Variants in MFSD6 observed in about 807,000 individuals in gnomAD.
The protein encoded by MFSD6 is major facilitator superfamily domain containing 6.
MFSD6 carries 26 observed loss-of-function variants against 56.3 expected under a neutral mutation model. The ratio of observed to expected loss-of-function variants is 0.46; its 90% CI spans 0.34 to 0.64. The LOEUF (loss-of-function observed/expected upper bound fraction) is 0.64. Ranked by LOEUF, MFSD6 falls within the 30% of genes least tolerant of loss-of-function variation. MFSD6 has a pLI of 0.01. For synonymous variants in MFSD6, 331 were observed against 366.9 expected (o/e 0.90, Z 1.12); for missense variants, 750 against 986.2 (o/e 0.76, Z 3.21).
At chr2:190,482,148 G>A (rs1252564887) in intron 4 of MFSD6, among the ~76,000 whole-genome samples, 1 of 152,140 alleles carries the variant, frequency 6.6e-6, no homozygotes, top group Non-Finnish European at 1.5e-5. Flanking sequence ...TGATACCTAG[G>A]GTAACCAGGC....
rs908039252 is a variant in MFSD6 at position 190,496,342 on chromosome 2, G to A, written c.1892-1097G>A. The stretch of plus-strand genomic sequence containing the variant: ...AATAATCAAAAAATAATTGATGTTG[G>A]TGTGGATGTAGTGAAAAGGAAACAC... On this transcript the variant is annotated intron_variant, in intron 6 of 7. Coordinates refer to ENST00000392328, the MANE Select transcript of MFSD6 (RefSeq NM_017694.4). This position sits in a 1 kb window ranked among gnomAD's most constrained non-coding sequence, Gnocchi z 4.7. 6.6e-6 allele frequency among the ~76,000 whole-genome samples: 1 copy of A among 152,146 alleles called. No homozygotes were observed. The highest frequency in any genetic ancestry group is 1.5e-5 in the Non-Finnish European group (1 of 68,020).
chr2:190,472,332 A>C (rs1251064151), intron 4 of MFSD6, among the ~76,000 whole-genome samples: 1 of 152,036 alleles, frequency 6.6e-6, no homozygotes, highest in African/African-American at 2.4e-5. Flanking sequence ...GAAGTTAAAA[A>C]CCTTGAAAAA....
Position 190,425,809 on chromosome 2 carries a change from T to A in MFSD6, c.-53-10168T>A, listed in dbSNP as rs1685767916. On this transcript the variant is annotated intron_variant, in intron 2 of 7. Coordinates refer to ENST00000392328, the MANE Select transcript of MFSD6 (RefSeq NM_017694.4). This position sits in a 1 kb window ranked among gnomAD's most constrained non-coding sequence, Gnocchi z 4.3. ...TACCAGGGATATTAGTAGTTTTCTGTTTTTTTGGACAGTCTTTTTTTCTGG... is the reference window on the plus strand; with the variant it reads ...TACCAGGGATATTAGTAGTTTTCTGATTTTTTGGACAGTCTTTTTTTCTGG... Among the ~76,000 whole-genome samples the A allele has an allele frequency of 6.6e-6, 1 of 152,084 alleles. No individual in the cohort carries two copies. The highest frequency in any genetic ancestry group is 2.4e-5 in the African/African-American group (1 of 41,430).
rs1687946964 is a variant in MFSD6, at chr2:190,471,748, C to T, written c.1630+1893C>T. ...TCTGACAGCTTTGAAGACAGTAGTTCTCCCAGGACGCAGCTTGAGATCTGA... is the reference window on the plus strand; with the variant it reads ...TCTGACAGCTTTGAAGACAGTAGTTTTCCCAGGACGCAGCTTGAGATCTGA... On this transcript the variant is annotated intron_variant, in intron 4 of 7. Coordinates refer to ENST00000392328, the MANE Select transcript of MFSD6 (RefSeq NM_017694.4). The surrounding 1 kb of genome is among the most constrained non-coding windows in gnomAD (Gnocchi z 4.7). Among the ~76,000 whole-genome samples the T allele has an allele frequency of 6.6e-6, 1 of 152,190 alleles. No individual in the cohort carries two copies. The highest frequency in any genetic ancestry group is 2.4e-5 in the African/African-American group (1 of 41,448).
At chr2:190,468,658 T>G (rs557068142) in intron 3 of MFSD6, among the ~76,000 whole-genome samples, 231 of 148,494 alleles carry the variant, frequency 1.6e-3, no homozygotes, top group African/African-American at 5.3e-3. Flanking sequence ...AGGTTCTCAC[T>G]ATGTTGCCCA....
intron 3 of MFSD6, among the ~76,000 whole-genome samples, chr2:190,466,888 A>G (rs937429130): frequency 6.6e-6 from 1 of 152,162 alleles, no homozygotes; most frequent in African/African-American, 2.4e-5. Context: ...GAAGTTGTGA[A>G]CCGGTCACTC....
chr2:190,470,232 A>C (rs529041940), intron 4 of MFSD6, among the ~76,000 whole-genome samples: 1 of 152,220 alleles, frequency 6.6e-6, no homozygotes. Context: ...TAGTTACTGA[A>C]AAAAAGATTG....
At chr2:190,429,045 C>T (rs375219021) in intron 2 of MFSD6, among the ~76,000 whole-genome samples, 6 of 151,960 alleles carry the variant, frequency 3.9e-5, no homozygotes, top group African/African-American at 7.3e-5. Context: ...CTTTCACTGG[C>T]GATTAATCAA....
chr2:190,422,423 T>A (rs1348485126), intron 2 of MFSD6, among the ~76,000 whole-genome samples: 2 of 152,174 alleles, frequency 1.3e-5, no homozygotes, highest in Non-Finnish European at 2.9e-5. Flanking sequence ...GATTTATCCT[T>A]TTGTTCTGGT....
chr2:190,447,989 A>C lies in MFSD6; in HGVS notation c.1532+10428A>C, dbSNP rs1037454959. The stretch of plus-strand genomic sequence containing the variant: ...AAGGCCATTGTTGCAAAGTGGTATA[A>C]ATGGATCCAGGGCTTTTACTGGCAT... On this transcript the variant is annotated intron_variant, in intron 3 of 7. Transcript: ENST00000392328. The surrounding 1 kb of genome is among the most constrained non-coding windows in gnomAD (Gnocchi z 4.5). Among the ~76,000 whole-genome samples the C allele has an allele frequency of 8.5e-5, 13 of 152,194 alleles. No homozygotes were observed. Among genetic ancestry groups the C allele is most frequent in the Admixed American group, 8.5e-4 (13 of 15,282 alleles).
Position 190,438,386 on chromosome 2 carries a change from C to T in MFSD6, c.1532+825C>T, listed in dbSNP as rs146128625. Among the ~76,000 whole-genome samples, 16 of 152,150 alleles carry T rather than the reference C, an allele frequency of 1.1e-4. No individual in the cohort carries two copies. The highest frequency in any genetic ancestry group is 3.1e-4 in the African/African-American group (13 of 41,502). ...CAAAAGTTAGCCGGGCATGGTGGCACGCACCCGTAGTCCCAGCTACTCGGG... is the reference window on the plus strand; with the variant it reads ...CAAAAGTTAGCCGGGCATGGTGGCATGCACCCGTAGTCCCAGCTACTCGGG... On this transcript the variant is annotated intron_variant, in intron 3 of 7. Coordinates refer to ENST00000392328, the MANE Select transcript of MFSD6 (RefSeq NM_017694.4). The surrounding 1 kb of genome is among the most constrained non-coding windows in gnomAD (Gnocchi z 5.2).
At chr2:190,480,214 G>A (rs911587094) in intron 4 of MFSD6, among the ~76,000 whole-genome samples, 1 of 152,200 alleles carries the variant, frequency 6.6e-6, no homozygotes, top group Non-Finnish European at 1.5e-5. Context: ...TGCTCTGCAA[G>A]AGCATGGGGA....
Position 190,471,939 on chromosome 2 carries a change from C to T in MFSD6, c.1630+2084C>T, listed in dbSNP as rs971076028. 8.5e-5 allele frequency among the ~76,000 whole-genome samples: 13 copies of T among 152,184 alleles called. No individual in the cohort carries two copies. The highest frequency in any genetic ancestry group is 2.1e-4 in the South Asian group (1 of 4,832). The stretch of plus-strand genomic sequence containing the variant: ...GCAATATTTGCTGTTCACCAATATC[C>T]GCTGTTCTGCAGCTTTCACTGCTGA... On this transcript the variant is annotated intron_variant, in intron 4 of 7. Transcript: ENST00000392328. The surrounding 1 kb of genome is among the most constrained non-coding windows in gnomAD (Gnocchi z 4.7).
rs1418559953 is a variant in MFSD6, at chr2:190,492,237, G to T, written c.1891+2371G>T. On this transcript the variant is annotated intron_variant, in intron 6 of 7. Transcript: ENST00000392328. The surrounding 1 kb of genome is among the most constrained non-coding windows in gnomAD (Gnocchi z 5.2). Reference sequence around the variant, plus strand: ...TGAAAGTATGGAAAACACATTTGATGAAATAATCAAGGAAAACTTGCTAGA... The same window carrying T: ...TGAAAGTATGGAAAACACATTTGATTAAATAATCAAGGAAAACTTGCTAGA... 1.3e-5 allele frequency among the ~76,000 whole-genome samples: 2 copies of T among 152,174 alleles called. No individual in the cohort carries two copies. Among genetic ancestry groups the T allele is most frequent in the Admixed American group, 6.5e-5 (1 of 15,274 alleles).
In MFSD6 at chr2:190,454,987, T is replaced by TA. The variant is rs368805771; in HGVS notation, c.1533-14770dup. Among the ~76,000 whole-genome samples the TA allele has an allele frequency of 1.2e-5, 1 of 81,496 alleles. No individual in the cohort carries two copies. Among genetic ancestry groups the TA allele is most frequent in the Non-Finnish European group, 3.4e-5 (1 of 29,104 alleles). 53.5% of individuals were successfully genotyped at this position (81,496 alleles called of 152,430 possible). On this transcript the variant is annotated intron_variant, in intron 3 of 7. Coordinates refer to ENST00000392328, the MANE Select transcript of MFSD6 (RefSeq NM_017694.4). The surrounding 1 kb of genome is among the most constrained non-coding windows in gnomAD (Gnocchi z 4.6). ...ATATGTATATGTATATGTATATGTA[T>TA]ATGTATATGTATAATGTATATGTAT...
Position 190,491,544 on chromosome 2 carries a change from A to G in MFSD6, c.1891+1678A>G, listed in dbSNP as rs1009715788. Reference sequence around the variant, plus strand: ...CTGGTAGCCCTGCTGGGTGGGCTAGATCCAGAAGAGAAATGACAATCACTA... The same window carrying G: ...CTGGTAGCCCTGCTGGGTGGGCTAGGTCCAGAAGAGAAATGACAATCACTA... On this transcript the variant is annotated intron_variant, in intron 6 of 7. Coordinates refer to ENST00000392328, the MANE Select transcript of MFSD6 (RefSeq NM_017694.4). The surrounding 1 kb of genome is among the most constrained non-coding windows in gnomAD (Gnocchi z 4.2). Among the ~76,000 whole-genome samples the G allele has an allele frequency of 1.3e-5, 2 of 152,190 alleles. No individual in the cohort carries two copies. The highest frequency in any genetic ancestry group is 6.5e-5 in the Admixed American group (1 of 15,278).
At position 190,454,786 on chromosome 2, in the gene MFSD6, AT is replaced by A. The variant is rs1170873736; in HGVS notation, c.1533-14971del. Reference sequence around the variant, plus strand: ...AGAGTAAGGAGAGCCTGAGGCAGGTATAGAGGGATGGGATCCCCAAAGATTC... The same window carrying A: ...AGAGTAAGGAGAGCCTGAGGCAGGTAAGAGGGATGGGATCCCCAAAGATTC... On this transcript the variant is annotated intron_variant, in intron 3 of 7. Transcript: ENST00000392328. The surrounding 1 kb of genome is among the most constrained non-coding windows in gnomAD (Gnocchi z 4.6). Among the ~76,000 whole-genome samples the A allele has an allele frequency of 2.0e-5, 3 of 152,190 alleles. No individual in the cohort carries two copies. The highest frequency in any genetic ancestry group is 4.4e-5 in the Non-Finnish European group (3 of 68,032).
chr2:190,472,417 G>A (rs908782448), intron 4 of MFSD6, among the ~76,000 whole-genome samples: 11 of 152,124 alleles, frequency 7.2e-5, no homozygotes, highest in African/African-American at 1.9e-4. Context: ...TGAAAACCAC[G>A]GCACGAGAAA....
intron 1 of MFSD6, chr2:190,411,214 C>T: frequency 1.2e-6 from 1 of 816,840 alleles, no homozygotes; most frequent in Non-Finnish European, 1.5e-6. Context: ...GGCTGGAGTG[C>T]AGTGGCTCGA....
Sources: allele counts gnomAD v4.1 joint callset (sites outside exome capture counted in the v4.1 genomes callset), GRCh38; gene constraint gnomAD v4.1.1; non-coding constraint Gnocchi (gnomAD v3.1); transcripts MANE v1.5; gene names NCBI Gene and HGNC (gene_info 2026-07-23, HGNC 2026-07-21).